Variants in MBD5 observed in about 807,000 individuals in gnomAD.
MBD5 encodes methyl-CpG-binding domain protein 5.
In MBD5, 13 loss-of-function variants were observed where a neutral mutation model predicts 117.3. The ratio of observed to expected loss-of-function variants is 0.11; its 90% confidence interval spans 0.07 to 0.18. MBD5 has a LOEUF of 0.18. Among genes scored for constraint, MBD5 ranks in the 10% least tolerant of loss-of-function variants. The pLI, the probability that MBD5 is intolerant of heterozygous loss-of-function variation, is 1.00. For synonymous variants in MBD5, 727 were observed against 766.4 expected, an observed-to-expected ratio of 0.95 and a Z score of 0.85; for missense variants, 1,879 against 2,093.8, an observed-to-expected ratio of 0.90 and a Z score of 2.00.
intron 1 of MBD5, among the ~76,000 whole-genome samples, chr2:148,067,647 C>G (rs1362605022): frequency 2.0e-5 from 3 of 152,164 alleles, no homozygotes; most frequent in African/African-American, 7.2e-5. Flanking sequence ...TTCAGAGTTA[C>G]AAGAAAATTT....
At chr2:148,057,251 C>A (rs1172201710) in intron 1 of MBD5, among the ~76,000 whole-genome samples, 1 of 151,530 alleles carries the variant, frequency 6.6e-6, no homozygotes, top group Non-Finnish European at 1.5e-5. Flanking sequence ...TTTAATTTTG[C>A]TTTATTCATT....
intron 12 of MBD5, chr2:148,503,160 A>G (rs976234021): frequency 1.3e-5 from 2 of 154,188 alleles, no homozygotes; most frequent in African/African-American, 4.8e-5. Context: ...ATATTAAGGT[A>G]GAAAACTACA....
intron 4 of MBD5, among the ~76,000 whole-genome samples, chr2:148,386,955 A>G (rs1704390800): frequency 1.3e-5 from 2 of 152,180 alleles, no homozygotes; most frequent in South Asian, 2.1e-4. Context: ...TCAGGCCTAC[A>G]TGGCTGTAAC....
chr2:148,298,866 T>C (rs1701716308), intron 3 of MBD5, among the ~76,000 whole-genome samples: 1 of 152,218 alleles, frequency 6.6e-6, no homozygotes, highest in Non-Finnish European at 1.5e-5. Context: ...CCTGTTTATA[T>C]ACATGGCATT....
intron 4 of MBD5, among the ~76,000 whole-genome samples, chr2:148,427,644 TG>T: frequency 6.7e-6 from 1 of 149,740 alleles, no homozygotes; most frequent in East Asian, 2.0e-4. Flanking sequence ...TGTTGTGGGA[TG>T]GGGGCAGGGG....
intron 1 of MBD5, among the ~76,000 whole-genome samples, chr2:148,072,950 T>G (rs1412204112): frequency 1.3e-5 from 2 of 152,128 alleles, no homozygotes; most frequent in Non-Finnish European, 2.9e-5. Flanking sequence ...AGCTCTAAAG[T>G]TTAGCTTTTT....
chr2:148,487,045 T>A (rs1210732849), intron 10 of MBD5, among the ~76,000 whole-genome samples: 1 of 152,118 alleles, frequency 6.6e-6, no homozygotes, highest in African/African-American at 2.4e-5. Flanking sequence ...ACTCCATCAG[T>A]AGGGAAATAG....
At chr2:148,024,969 A>G (rs1200619810) in intron 1 of MBD5, 1 of 152,138 alleles carries the variant, frequency 6.6e-6, no homozygotes, top group Non-Finnish European at 1.5e-5. Flanking sequence ...TACCCAGACA[A>G]TTATCAACTT....
At chr2:148,183,488 A>T (rs1345939499) in intron 2 of MBD5, among the ~76,000 whole-genome samples, 1 of 150,972 alleles carries the variant, frequency 6.6e-6, no homozygotes, top group African/African-American at 2.4e-5. Flanking sequence ...CACACTTTGA[A>T]TGTTTTCTGA....
intron 8 of MBD5, among the ~76,000 whole-genome samples, chr2:148,479,545 G>C (rs966781081): frequency 8.5e-5 from 13 of 152,130 alleles, no homozygotes; most frequent in African/African-American, 3.1e-4. Context: ...GTCTTTAATG[G>C]TTTAGAAAGA....
chr2:148,319,171 G>A (rs932519254), intron 3 of MBD5, among the ~76,000 whole-genome samples: 5 of 152,138 alleles, frequency 3.3e-5, no homozygotes, highest in East Asian at 3.9e-4. Context: ...AGTGTAAACC[G>A]GAGTCAGGTC....
intron 1 of MBD5, among the ~76,000 whole-genome samples, chr2:148,051,409 CTT>C (rs764027592): frequency 7.3e-6 from 1 of 137,348 alleles, no homozygotes. Flanking sequence ...TTCTGTTTTT[CTT>C]TTTTTTTTTT....
chr2:148,056,699 AT>A (rs558412807), intron 1 of MBD5, among the ~76,000 whole-genome samples: 6 of 151,998 alleles, frequency 3.9e-5, no homozygotes, highest in Middle Eastern at 3.4e-3. Context: ...TAGTTTTGGC[AT>A]TTTGCATTTC....
chr2:148,295,271 C>T (rs766668745), intron 3 of MBD5, among the ~76,000 whole-genome samples: 1 of 152,182 alleles, frequency 6.6e-6, no homozygotes, highest in Non-Finnish European at 1.5e-5. Flanking sequence ...TAATCTCTAT[C>T]AATCTATCAT....
At chr2:148,276,148 C>A (rs1045765531) in intron 3 of MBD5, among the ~76,000 whole-genome samples, 1 of 151,910 alleles carries the variant, frequency 6.6e-6, no homozygotes, top group Non-Finnish European at 1.5e-5. Context: ...CCTGTCTCTA[C>A]CAAAAAACAA....
chr2:148,444,269 G>A (rs893786821), intron 4 of MBD5, among the ~76,000 whole-genome samples: 15 of 150,902 alleles, frequency 9.9e-5, no homozygotes, highest in Admixed American at 5.9e-4. Context: ...TTTCTCGCCC[G>A]TGTGTTGCTC....
At chr2:148,189,108 G>A (rs1169930841) in intron 2 of MBD5, among the ~76,000 whole-genome samples, 3 of 144,390 alleles carry the variant, frequency 2.1e-5, no homozygotes, top group Non-Finnish European at 3.0e-5. Flanking sequence ...AGGGTCCTAC[G>A]CCCACGGAAT....
chr2:148,489,098 T>G (rs963279325), intron 10 of MBD5, among the ~76,000 whole-genome samples: 4 of 152,184 alleles, frequency 2.6e-5, no homozygotes, highest in African/African-American at 9.7e-5. Flanking sequence ...GAGTACGTTT[T>G]CTGTCCAGCC....
chr2:148,050,398 T>C (rs1283741227), intron 1 of MBD5, among the ~76,000 whole-genome samples: 1 of 152,190 alleles, frequency 6.6e-6, no homozygotes, highest in African/African-American at 2.4e-5. Context: ...TTTTCCACTT[T>C]TTCGTGTTTG....
Sources: gnomAD v4.1 joint callset for allele counts (sites outside exome capture counted in the v4.1 genomes callset) on GRCh38, gnomAD v4.1.1 for gene constraint, MANE v1.5 for transcripts, NCBI Gene and HGNC (gene_info 2026-07-23, HGNC 2026-07-21) for gene names.